The following UGT2A2 variants were observed in gnomAD, a reference collection of about 807,000 sequenced individuals.
UGT2A2 encodes the protein UDP-glucuronosyltransferase 2A2.
UGT2A2 carries 60 observed loss-of-function variants against 50.7 expected under a neutral mutation model. That is an observed-to-expected ratio of 1.18 (90% CI 0.96 to 1.47). The LOEUF (loss-of-function observed/expected upper bound fraction) is 1.47, where lower values mean the gene tolerates loss of function less well. UGT2A2 is among the 40% of genes most tolerant of loss of function. The pLI is 0.00. For synonymous variants in UGT2A2, 242 were observed against 214.6 expected (o/e 1.13, Z -1.11); for missense variants, 762 against 634.0 (o/e 1.20, Z -2.17).
intron 1 of UGT2A2, among the ~76,000 whole-genome samples, chr4:69,608,540 T>C (rs900501416): frequency 6.6e-6 from 1 of 151,280 alleles, no homozygotes; most frequent in Non-Finnish European, 1.5e-5. Context: ...GTTGTGTACA[T>C]GTACCCTAAA....
chr4:69,596,781 C>T (rs1718959081), intron 2 of UGT2A2, among the ~76,000 whole-genome samples: 1 of 152,184 alleles, frequency 6.6e-6, no homozygotes, highest in African/African-American at 2.4e-5. Context: ...CTTGGTCTCC[C>T]AAAGTGCTGG....
intron 1 of UGT2A2, among the ~76,000 whole-genome samples, chr4:69,607,286 T>A (rs79312604): frequency 1.3e-5 from 2 of 149,728 alleles, no homozygotes; most frequent in East Asian, 2.0e-4. Context: ...CCATCTGATC[T>A]TTGACAAACC....
At chr4:69,595,629 T>C (rs1718877684) in intron 3 of UGT2A2, among the ~76,000 whole-genome samples, 1 of 152,112 alleles carries the variant, frequency 6.6e-6, no homozygotes, top group Non-Finnish European at 1.5e-5. Context: ...GTGTCATGAA[T>C]AGAAGTATAA....
At chr4:69,610,830 C>A (rs889721597) in intron 1 of UGT2A2, among the ~76,000 whole-genome samples, 3 of 152,118 alleles carry the variant, frequency 2.0e-5, no homozygotes, top group East Asian at 1.9e-4. Context: ...AGAAAATAAA[C>A]CTTTGTTATT....
At chr4:69,634,153 G>A (rs542336568) in intron 1 of UGT2A2, among the ~76,000 whole-genome samples, 2 of 152,188 alleles carry the variant, frequency 1.3e-5, no homozygotes, top group East Asian at 3.9e-4. Flanking sequence ...GCTGAGGCAG[G>A]AGAATGGCGT....
intron 1 of UGT2A2, among the ~76,000 whole-genome samples, chr4:69,624,683 A>G (rs969066566): frequency 1.3e-5 from 2 of 151,240 alleles, no homozygotes; most frequent in African/African-American, 4.8e-5. Context: ...TTTTAGCATA[A>G]CAACTTTACG....
chr4:69,619,082 T>A (rs1720588686), intron 1 of UGT2A2, among the ~76,000 whole-genome samples: 1 of 151,910 alleles, frequency 6.6e-6, no homozygotes, highest in Non-Finnish European at 1.5e-5. Flanking sequence ...AGAAAAAAGT[T>A]TATCAATATT....
chr4:69,633,070 A>G (rs1239786803), intron 1 of UGT2A2, among the ~76,000 whole-genome samples: 1 of 152,262 alleles, frequency 6.6e-6, no homozygotes, highest in East Asian at 1.9e-4. Context: ...AAAGTGAGTA[A>G]GAATGAAGAA....
intron 1 of UGT2A2, among the ~76,000 whole-genome samples, chr4:69,631,391 C>T (rs1432042177): frequency 6.6e-6 from 1 of 151,254 alleles, no homozygotes; most frequent in Non-Finnish European, 1.5e-5. Flanking sequence ...AATAATAATC[C>T]AAATGTTTAG....
At chr4:69,613,609 T>C (rs758761470) in intron 1 of UGT2A2, among the ~76,000 whole-genome samples, 1 of 151,940 alleles carries the variant, frequency 6.6e-6, no homozygotes, top group East Asian at 1.9e-4. Context: ...CAACAACATA[T>C]TAAAAAGATC....
chr4:69,633,616 G>C (rs756693681), intron 1 of UGT2A2, among the ~76,000 whole-genome samples: 1 of 152,162 alleles, frequency 6.6e-6, no homozygotes, highest in Non-Finnish European at 1.5e-5. Flanking sequence ...ATAGCTATAA[G>C]AATGAGCACA....
At chr4:69,603,266 G>T (rs1483551533) in intron 1 of UGT2A2, among the ~76,000 whole-genome samples, 1 of 134,730 alleles carries the variant, frequency 7.4e-6, no homozygotes, top group African/African-American at 3.0e-5. Flanking sequence ...CAGATATCAA[G>T]AACTAATATA....
chr4:69,623,834 A>C (rs1720891994), intron 1 of UGT2A2, among the ~76,000 whole-genome samples: 1 of 151,618 alleles, frequency 6.6e-6, no homozygotes, highest in Non-Finnish European at 1.5e-5. Context: ...ATTTGAAAGT[A>C]AATTAAATAA....
Position 69,595,830 on chromosome 4 carries a change from TAAAACCTAGAC to T in UGT2A2, c.1023+409_1023+419del, listed in dbSNP as rs1718889191. ...CAACTACACTTTGATAGAGTTGTAATAAAACCTAGACATTCGAATTATATTTTTAGCATAAT... is the reference window on the plus strand; with the variant it reads ...CAACTACACTTTGATAGAGTTGTAATATTCGAATTATATTTTTAGCATAAT... On this transcript the variant is annotated intron_variant, in intron 3 of 5. Coordinates refer to ENST00000604629, the MANE Select transcript of UGT2A2 (RefSeq NM_001105677.2). Among the ~76,000 whole-genome samples, 6 of 152,202 alleles carry T rather than the reference TAAAACCTAGAC, an allele frequency of 3.9e-5. No homozygotes were observed. In the South Asian group the frequency reaches 1.2e-3, roughly 32 times the overall value.
chr4:69,618,876 C>T (rs898446339), intron 1 of UGT2A2, among the ~76,000 whole-genome samples: 5 of 151,684 alleles, frequency 3.3e-5, no homozygotes, highest in South Asian at 2.1e-4. Context: ...AACCAAACTT[C>T]GGAAAATTTT....
chr4:69,594,923 T>C (rs998253087), intron 4 of UGT2A2, among the ~76,000 whole-genome samples: 2 of 152,164 alleles, frequency 1.3e-5, no homozygotes, highest in Non-Finnish European at 2.9e-5. Context: ...GGAGATGATA[T>C]CTGAACTGAA....
At chr4:69,609,335 C>T (rs1044952885) in intron 1 of UGT2A2, among the ~76,000 whole-genome samples, 1 of 151,542 alleles carries the variant, frequency 6.6e-6, no homozygotes, top group African/African-American at 2.4e-5. Context: ...CTTTTCTTTT[C>T]TACTATTTTT....
At chr4:69,598,146 C>T (rs1719050058) in intron 2 of UGT2A2, among the ~76,000 whole-genome samples, 1 of 152,090 alleles carries the variant, frequency 6.6e-6, no homozygotes, top group Non-Finnish European at 1.5e-5. Flanking sequence ...TTCACTAGAG[C>T]TTGCCTGCAG....
chr4:69,612,969 C>A (rs1434589623), intron 1 of UGT2A2, among the ~76,000 whole-genome samples: 1 of 147,620 alleles, frequency 6.8e-6, no homozygotes, highest in East Asian at 2.0e-4. Context: ...AAAATATTTA[C>A]AAACTATTCA....
Sources: allele counts gnomAD v4.1 joint callset (sites outside exome capture counted in the v4.1 genomes callset), GRCh38; gene constraint gnomAD v4.1.1; transcripts MANE v1.5; gene names NCBI Gene and HGNC (gene_info 2026-07-23, HGNC 2026-07-21).